TMEM63A: variants seen among roughly 807,000 people sequenced by gnomAD.
TMEM63A encodes the protein transmembrane protein 63A, also known as mechanosensitive cation channel TMEM63A.
Under a neutral mutation model 100.6 loss-of-function variants are expected in TMEM63A, and 76 were observed. That is an observed-to-expected ratio of 0.76 (90% CI 0.63 to 0.91). The LOEUF is 0.91. TMEM63A is among the 40% of genes least tolerant of loss of function. The pLI, the probability that TMEM63A is intolerant of heterozygous loss-of-function variation, is 0.00. For missense variants in TMEM63A, 876 were observed against 1,008.8 expected (o/e 0.87, Z 1.78); for synonymous variants, 401 against 401.1 (o/e 1.00, Z 0.00).
In TMEM63A at chr1:225,865,984, G is replaced by A; in HGVS notation, c.676-17C>T. 6.2e-7 allele frequency: 1 copy of A among 1,613,174 alleles called. No individual in the cohort carries two copies. Among genetic ancestry groups the A allele is most frequent in the Non-Finnish European group, 8.5e-7 (1 of 1,179,490 alleles). On this transcript the variant is annotated splice_polypyrimidine_tract_variant and intron_variant, in intron 9 of 24. Coordinates refer to ENST00000366835, the MANE Select transcript of TMEM63A (RefSeq NM_014698.3). The surrounding 1 kb of genome is among the most constrained non-coding windows in gnomAD (Gnocchi z 4.6). ...CCGCCTCACCTGTCCGGGAAATACAGCAGGGAGAGAAGTCACCCACAAGCC... is the reference window on the plus strand; with the variant it reads ...CCGCCTCACCTGTCCGGGAAATACAACAGGGAGAGAAGTCACCCACAAGCC...
rs1432824560 is a variant in TMEM63A at position 225,865,633 on chromosome 1, C to G, written c.746+264G>C. On this transcript the variant is annotated intron_variant, in intron 10 of 24. Transcript: ENST00000366835. This position sits in a 1 kb window ranked among gnomAD's most constrained non-coding sequence, Gnocchi z 4.6. Reference sequence around the variant, plus strand: ...CTCTCAAGACGTTTATTCGCACCTACACCCTGGTCTGTGCTCTGGACACTG... The same window carrying G: ...CTCTCAAGACGTTTATTCGCACCTAGACCCTGGTCTGTGCTCTGGACACTG... The G allele has an allele frequency of 4.5e-6, 2 of 442,862 alleles. No homozygotes were observed. The highest frequency in any genetic ancestry group is 3.9e-5 in the African/African-American group (2 of 51,274). 27.4% of individuals were successfully genotyped at this position (442,862 alleles called of 1,614,324 possible). A position where few individuals can be genotyped will look rare whatever the true frequency, so the allele number is the denominator to read the frequency against.
intron 10 of TMEM63A, chr1:225,864,255 T>C (rs577799250): frequency 6.6e-6 from 1 of 152,356 alleles, no homozygotes; most frequent in East Asian, 1.9e-4. Context: ...TGCCAGGCAC[T>C]GTTCTAGGTG....
At chr1:225,845,039 T>C (rs1668823875), downstream of TMEM63A, 1 of 1,187,374 alleles carries the variant, frequency 8.4e-7, no homozygotes, top group East Asian at 2.3e-5. Flanking sequence ...TGGCTCCTTG[T>C]GGGTGGGCCA....
intron 8 of TMEM63A, among the ~76,000 whole-genome samples, 171 bp downstream of exon 8, chr1:225,866,941 G>A (rs1670244600): frequency 1.3e-5 from 2 of 152,194 alleles, no homozygotes; most frequent in Non-Finnish European, 2.9e-5. Flanking sequence ...TGGCAAAACA[G>A]TGTCTGCCTG....
intron 14 of TMEM63A, chr1:225,859,924 G>A (rs1669852023): frequency 6.3e-6 from 1 of 158,130 alleles, no homozygotes; most frequent in Admixed American, 5.9e-5. Context: ...TGGGATTACA[G>A]GTGTGAGCAC....
At position 225,849,997 on chromosome 1, in the gene TMEM63A, C is replaced by T; in HGVS notation, c.1986G>A (p.Gly662=). 1.2e-6 allele frequency: 2 copies of T among 1,614,214 alleles called. No homozygotes were observed. The highest frequency in any genetic ancestry group is 2.2e-5 in the East Asian group (1 of 44,884). The stretch of plus-strand genomic sequence containing the variant: ...CCTGGTTCACAGCGGCAAAGTGGAT[C>T]CCCTTCTCCAGCTTGGCTGGGAGGT... ...FVYLPAKLEK[G]IHFAAVNQAL... Residue 662 remains glycine, a synonymous_variant, in exon 21 of 25, where the codon GGG becomes GGA. Coordinates refer to ENST00000366835, the MANE Select transcript of TMEM63A (RefSeq NM_014698.3).
chr1:225,877,375 C>T lies in TMEM63A; in HGVS notation c.186+20G>A, dbSNP rs766846144. 8.1e-6 allele frequency: 13 copies of T among 1,596,174 alleles called. No homozygotes were observed. The highest frequency in any genetic ancestry group is 1.7e-4 in the Middle Eastern group (1 of 6,010). ...AACAAATAACTGAGGCAGTGGGACA[C>T]GACTCATGAGGGCTCTCACCAGGAA... is the stretch of plus-strand genomic sequence containing the variant. On this transcript the variant is annotated intron_variant, in intron 3 of 24. Coordinates refer to ENST00000366835, the MANE Select transcript of TMEM63A (RefSeq NM_014698.3).
chr1:225,877,250 C>A, intron 3 of TMEM63A, 145 bp downstream of exon 3: 3 of 883,868 alleles, frequency 3.4e-6, no homozygotes, highest in Non-Finnish European at 5.0e-6. Context: ...AAGTAACACG[C>A]CTAAGTCACA....
At chr1:225,881,958 C>A (rs1252978229) in intron 1 of TMEM63A, among the ~76,000 whole-genome samples, 1 of 152,180 alleles carries the variant, frequency 6.6e-6, no homozygotes, top group East Asian at 1.9e-4. Flanking sequence ...CGTATAGGGT[C>A]CGAGGAGCCC....
At position 225,853,664 on chromosome 1, in the gene TMEM63A, C is replaced by A; in HGVS notation, c.1762G>T (p.Ala588Ser). ...LILYTFRMIM[A>S]KTAADRRNVK... Reference sequence around the variant, plus strand: ...TTCCTGCGGTCAGCAGCCGTCTTGGCCATGATCATGCGGAAGGTATAGAGG... The same window carrying A: ...TTCCTGCGGTCAGCAGCCGTCTTGGACATGATCATGCGGAAGGTATAGAGG... The change falls in exon 19 of 25, where the codon GCC (alanine) becomes TCC (serine). Residue 588 changes from alanine to serine, a missense_variant. This residue lies in a region of TMEM63A where 339 missense variants were observed against 342.3 expected (regional missense o/e 0.99). Coordinates refer to ENST00000366835, the MANE Select transcript of TMEM63A (RefSeq NM_014698.3). The surrounding 1 kb of genome is among the most constrained non-coding windows in gnomAD (Gnocchi z 4.0). 6.3e-7 allele frequency: 1 copy of A among 1,577,050 alleles called. No homozygotes were observed. The highest frequency in any genetic ancestry group is 8.6e-7 in the Non-Finnish European group (1 of 1,161,210).
chr1:225,855,785 T>C (rs372361850), intron 18 of TMEM63A, 93 bp downstream of exon 18: 438 of 1,322,598 alleles, frequency 3.3e-4, no homozygotes, highest in Middle Eastern at 7.9e-4. Flanking sequence ...AAGCATAGGC[T>C]ACGACCGCCC....
At chr1:225,863,871 C>A (rs1670065007) in intron 10 of TMEM63A, 1 of 128,318 alleles carries the variant, frequency 7.8e-6, no homozygotes, top group African/African-American at 3.0e-5. Context: ...AGCAAGATTG[C>A]CCCACTGCAC....
rs542714898 is a variant in TMEM63A at position 225,864,765 on chromosome 1, C to A, written c.746+1132G>T. ...GCAAGTGCTTTCTTCACAAATAGTG[C>A]AAAGTTAAAGTGCAGCCAACTCCTA... On this transcript the variant is annotated intron_variant, in intron 10 of 24. Coordinates refer to ENST00000366835, the MANE Select transcript of TMEM63A (RefSeq NM_014698.3). The A allele has an allele frequency of 4.6e-5, 7 of 152,204 alleles. No homozygotes were observed. The East Asian group carries it at 1.2e-3, about 25-fold the overall frequency. 9.4% of individuals were successfully genotyped at this position (152,204 alleles called of 1,614,324 possible).
chr1:225,848,954 G>T lies in TMEM63A; in HGVS notation c.2130C>A (p.Val710=). ...ATCCAAAGCAGGTGTGAGCCAGGCA[G>T]ACCAGGATGGTGAGCAGCAGCACCA... is the stretch of plus-strand genomic sequence containing the variant. ...TFLVLLLTIL[V]CLAHTCFGCF... The change falls in exon 22 of 25, where the codon GTC becomes GTA. Residue 710 remains valine, a synonymous_variant. Coordinates refer to ENST00000366835, the MANE Select transcript of TMEM63A (RefSeq NM_014698.3). 1 of 1,584,382 alleles carries T rather than the reference G, an allele frequency of 6.3e-7. No individual in the cohort carries two copies. The highest frequency in any genetic ancestry group is 8.6e-7 in the Non-Finnish European group (1 of 1,164,118).
At position 225,845,829 on chromosome 1, in the gene TMEM63A, G is replaced by A. The variant is rs1006844297; in HGVS notation, c.*1110C>T. ...TCCCTGAGTGAGAAGGCCCAGATAA[G>A]CCCAGGCCCCCCAGGCCAGCGGACA... On this transcript the variant is annotated 3_prime_UTR_variant, in exon 25 of 25. Coordinates refer to ENST00000366835, the MANE Select transcript of TMEM63A (RefSeq NM_014698.3). The A allele has an allele frequency of 4.5e-6, 1 of 224,678 alleles. No homozygotes were observed. The highest frequency in any genetic ancestry group is 8.9e-6 in the Non-Finnish European group (1 of 112,462). The allele number at this position is 224,678 out of a possible 1,614,324, so 13.9% of individuals were successfully genotyped here. A position where few individuals can be genotyped will look rare whatever the true frequency, so the allele number is the denominator to read the frequency against.
At chr1:225,863,343 C>T (rs992060955) in intron 10 of TMEM63A, among the ~76,000 whole-genome samples, 14 of 152,104 alleles carry the variant, frequency 9.2e-5, no homozygotes, top group African/African-American at 4.8e-5. Context: ...CACTGCACCC[C>T]GCTAGCCTTT....
intron 23 of TMEM63A, chr1:225,848,181 A>G (rs1435736228): frequency 5.2e-6 from 2 of 383,456 alleles, no homozygotes; most frequent in Non-Finnish European, 9.3e-6. Context: ...GCGCCTTACC[A>G]TGTGCCTTCA....
At position 225,882,352 on chromosome 1, in the gene TMEM63A, C is replaced by A. The variant is rs1045985423; in HGVS notation, c.-254G>T. On this transcript the variant is annotated 5_prime_UTR_variant, in exon 1 of 25. Coordinates refer to ENST00000366835, the MANE Select transcript of TMEM63A (RefSeq NM_014698.3). ...GGACCCAGCAGCGCGGGGCGTGTTC[C>A]GACCACTTAAAAGTTACAAAGTGAA... The A allele has an allele frequency of 2.0e-5, 3 of 152,632 alleles. No homozygotes were observed. Among genetic ancestry groups the A allele is most frequent in the Admixed American group, 1.3e-4 (2 of 15,294 alleles). The allele number at this position is 152,632 out of a possible 1,614,324, so 9.5% of individuals were successfully genotyped here.
rs1304604744 is a variant in TMEM63A, at chr1:225,848,906, C to T, written c.2178G>A (p.Leu726=). ...GGTCGGGGGCCTTTACTTTGTAGTTCAGAGGGCTGAGGTGCTTGAAGCATC... is the reference window on the plus strand; with the variant it reads ...GGTCGGGGGCCTTTACTTTGTAGTTTAGAGGGCTGAGGTGCTTGAAGCATC... ...CFGCFKHLSP[L]NYKTEEPASD... The change falls in exon 22 of 25, where the codon CTG becomes CTA. Residue 726 remains leucine (L), a synonymous_variant. Coordinates refer to ENST00000366835, the MANE Select transcript of TMEM63A (RefSeq NM_014698.3). 1 of 1,589,032 alleles carries T rather than the reference C, an allele frequency of 6.3e-7. No homozygotes were observed.
Sources: gnomAD v4.1 joint callset for allele counts (sites outside exome capture counted in the v4.1 genomes callset) on GRCh38, gnomAD v4.1.1 for gene constraint, gnomAD v4.1.1 regional missense constraint, Gnocchi (gnomAD v3.1) non-coding constraint, MANE v1.5 for transcripts, NCBI Gene and HGNC (gene_info 2026-07-23, HGNC 2026-07-21) for gene names.